Variants in LARGE1 observed in about 807,000 individuals in gnomAD.
LARGE1 encodes xylosyl- and glucuronyltransferase LARGE1.
LARGE1 carries 43 observed loss-of-function variants against 87.6 expected under a neutral mutation model. The observed-to-expected ratio is 0.49, with a 90% CI of 0.38 to 0.63. LARGE1 has a LOEUF of 0.63. Among genes scored for constraint, LARGE1 ranks in the 30% least tolerant of loss-of-function variants. LARGE1 has a pLI of 0.00. For synonymous variants in LARGE1, 434 were observed against 394.6 expected, an observed-to-expected ratio of 1.10 and a Z score of -1.18; for missense variants, 802 against 1,000.2, an observed-to-expected ratio of 0.80 and a Z score of 2.67.
intron 1 of LARGE1, among the ~76,000 whole-genome samples, chr22:33,894,410 T>C (rs574480143): frequency 6.6e-6 from 1 of 152,280 alleles, no homozygotes; most frequent in South Asian, 2.1e-4. Flanking sequence ...CTCTACTCAC[T>C]AGGGTGGCTA....
intron 5 of LARGE1, among the ~76,000 whole-genome samples, chr22:33,586,723 C>T (rs2078687600): frequency 6.6e-6 from 1 of 152,220 alleles, no homozygotes; most frequent in Non-Finnish European, 1.5e-5. Context: ...TCCCGAAGTG[C>T]TGGGATTACA....
At chr22:33,368,533 CAAAAAAAA>C (rs34999879) in intron 9 of LARGE1, among the ~76,000 whole-genome samples, 23,573 of 115,736 alleles carry the variant, frequency 0.2, 4,376 homozygotes, top group African/African-American at 0.52. Context: ...GACTCTTTCT[CAAAAAAAA>C]AAAAAAAAAA....
In LARGE1 at chr22:33,379,908, G is replaced by T. The variant is rs191211186; in HGVS notation, c.1131+2011C>A. On this transcript the variant is annotated intron_variant, in intron 9 of 14. Coordinates refer to ENST00000397394, the MANE Select transcript of LARGE1 (RefSeq NM_133642.5). Reference sequence around the variant, plus strand: ...TTCTTATCACTCAGGAAATTTCAAGGGTTTTAGGAGCTCTGTTCCAGGAAC... The same window carrying T: ...TTCTTATCACTCAGGAAATTTCAAGTGTTTTAGGAGCTCTGTTCCAGGAAC... Among the ~76,000 whole-genome samples the T allele has an allele frequency of 3.9e-5, 6 of 152,174 alleles. No homozygotes were observed. In the East Asian group the frequency reaches 7.7e-4, roughly 20 times the overall value.
intron 5 of LARGE1, among the ~76,000 whole-genome samples, chr22:33,576,991 T>C (rs1408528277): frequency 6.6e-6 from 1 of 152,200 alleles, no homozygotes; most frequent in South Asian, 2.1e-4. Flanking sequence ...AACCCACAGA[T>C]ATAGATAGGT....
At chr22:33,910,701 G>C (rs1214765482) in intron 1 of LARGE1, among the ~76,000 whole-genome samples, 1 of 152,214 alleles carries the variant, frequency 6.6e-6, no homozygotes, top group Non-Finnish European at 1.5e-5. Flanking sequence ...CAAAGAGACA[G>C]TGTCACAGAG....
chr22:33,782,745 A>G (rs1474553709), intron 1 of LARGE1, among the ~76,000 whole-genome samples: 2 of 151,916 alleles, frequency 1.3e-5, no homozygotes, highest in Non-Finnish European at 2.9e-5. Flanking sequence ...CGTGCCTGTA[A>G]TCCCAGCTAC....
At chr22:33,675,816 T>C (rs937450277) in intron 2 of LARGE1, among the ~76,000 whole-genome samples, 5 of 150,246 alleles carry the variant, frequency 3.3e-5, no homozygotes, top group African/African-American at 1.3e-4. Context: ...GCCTCTACAA[T>C]TGGTGTTCAC....
chr22:33,265,509 C>T (rs1376180729), intron 11 of LARGE1, among the ~76,000 whole-genome samples: 1 of 152,142 alleles, frequency 6.6e-6, no homozygotes, highest in African/African-American at 2.4e-5. Flanking sequence ...TGTCATCTGT[C>T]TTAGAAGCCT....
chr22:33,530,020 C>T (rs1252631964), intron 6 of LARGE1, among the ~76,000 whole-genome samples: 1 of 152,166 alleles, frequency 6.6e-6, no homozygotes, highest in African/African-American at 2.4e-5. Flanking sequence ...AATCCCCTTC[C>T]CTACTAGCAG....
chr22:33,281,046 C>T (rs1271936062), intron 13 of LARGE1, among the ~76,000 whole-genome samples: 1 of 152,144 alleles, frequency 6.6e-6, no homozygotes, highest in Non-Finnish European at 1.5e-5. Flanking sequence ...CAGATTTCGG[C>T]TGCTCAGAGG....
intron 2 of LARGE1, among the ~76,000 whole-genome samples, chr22:33,729,778 A>T (rs1242412152): frequency 6.6e-6 from 1 of 152,216 alleles, no homozygotes; most frequent in African/African-American, 2.4e-5. Context: ...AGTTGCAAAG[A>T]TCTTTATCTC....
chr22:33,863,523 C>G (rs1045563907), intron 1 of LARGE1, among the ~76,000 whole-genome samples: 1 of 150,878 alleles, frequency 6.6e-6, no homozygotes, highest in African/African-American at 2.4e-5. Context: ...ACTGGGAGGC[C>G]GAGGTGGGCG....
chr22:33,173,691 C>G (rs1922704206), intron 11 of LARGE1, among the ~76,000 whole-genome samples: 1 of 151,870 alleles, frequency 6.6e-6, no homozygotes, highest in Admixed American at 6.6e-5. Context: ...GGTTGCAATC[C>G]TAGTCTCTGA....
chr22:33,503,108 C>A (rs1304810226), intron 6 of LARGE1, among the ~76,000 whole-genome samples: 1 of 152,140 alleles, frequency 6.6e-6, no homozygotes, highest in African/African-American at 2.4e-5. Flanking sequence ...AGATGAGTTG[C>A]TGAACTAGAA....
intron 1 of LARGE1, among the ~76,000 whole-genome samples, chr22:33,817,226 C>T (rs2086680516): frequency 6.6e-6 from 1 of 152,166 alleles, no homozygotes; most frequent in Non-Finnish European, 1.5e-5. Context: ...TGTCTCCCAT[C>T]TAGCCCCTTT....
chr22:33,183,620 G>GCACACACACACACACACACACACACA (rs56262703), intron 11 of LARGE1, among the ~76,000 whole-genome samples: 1 of 137,832 alleles, frequency 7.3e-6, no homozygotes, highest in African/African-American at 2.9e-5. Flanking sequence ...ACACACACAC[G>GCACACACACACACACACACACACACA]CACACACACA....
At chr22:33,493,136 C>T (rs2069932387) in intron 6 of LARGE1, among the ~76,000 whole-genome samples, 1 of 150,750 alleles carries the variant, frequency 6.6e-6, no homozygotes, top group Admixed American at 6.6e-5. Context: ...AAATGGATAG[C>T]TCTACAAGCA....
chr22:33,457,419 A>C (rs983538566), intron 6 of LARGE1, among the ~76,000 whole-genome samples: 3 of 150,848 alleles, frequency 2.0e-5, no homozygotes, highest in Non-Finnish European at 2.9e-5. Flanking sequence ...GGGCTCCCAA[A>C]GTGCTGGGAT....
intron 3 of LARGE1, among the ~76,000 whole-genome samples, chr22:33,628,789 C>T (rs2080010516): frequency 1.6e-4 from 1 of 6,330 alleles, no homozygotes; most frequent in Non-Finnish European, 3.0e-4. Context: ...ACCTCCCTAT[C>T]CTCCAACCCG....
Sources: gnomAD v4.1 joint callset for allele counts (sites outside exome capture counted in the v4.1 genomes callset) on GRCh38, gnomAD v4.1.1 for gene constraint, MANE v1.5 for transcripts, NCBI Gene and HGNC (gene_info 2026-07-23, HGNC 2026-07-21) for gene names.